TRAF2: variants seen among roughly 807,000 people sequenced by gnomAD.
TRAF2 encodes the protein TNF receptor associated factor 2, also known as TNF receptor-associated factor 2.
A neutral mutation model predicts 55.6 loss-of-function variants in TRAF2; 6 were observed. The ratio of observed to expected loss-of-function variants is 0.11; its 90% CI spans 0.06 to 0.21. The LOEUF is 0.21. TRAF2 is among the 10% of genes least tolerant of loss of function. The probability of loss-of-function intolerance (pLI) is 1.00; values close to 1 mark genes in which losing one functional copy is unlikely to be tolerated. For missense variants in TRAF2, 561 were observed against 684.5 expected (o/e 0.82, Z 2.01); for synonymous variants, 329 against 276.3 (o/e 1.19, Z -1.89).
At chr9:136,899,419 T>G (rs1344789504) in intron 2 of TRAF2, among the ~76,000 whole-genome samples, 175 bp from the exon 3 acceptor site, 1 of 152,248 alleles carries the variant, frequency 6.6e-6, no homozygotes, top group African/African-American at 2.4e-5. Context: ...AACAGTGTGC[T>G]GTGAATACTG....
chr9:136,886,910 C>G (rs1849465236), intron 1 of TRAF2: 1 of 152,390 alleles, frequency 6.6e-6, no homozygotes, highest in Non-Finnish European at 1.5e-5. Flanking sequence ...CTCCCCCGCA[C>G]CCTGTCGCCC....
chr9:136,909,274 G>A (rs1274988518), intron 5 of TRAF2, among the ~76,000 whole-genome samples: 2 of 152,352 alleles, frequency 1.3e-5, no homozygotes, highest in East Asian at 3.9e-4. Context: ...TGCTCACATG[G>A]CCTGCAGCCT....
At chr9:136,886,078 G>A (rs1849439367), upstream of TRAF2, 1 of 152,292 alleles carries the variant, frequency 6.6e-6, no homozygotes, top group Admixed American at 6.5e-5. Flanking sequence ...GGTGTCGCCC[G>A]GCTTGGGCTC....
At position 136,921,190 on chromosome 9, in the gene TRAF2, C is replaced by T. The variant is rs1398918805; in HGVS notation, c.1113C>T (p.Gly371=). The change falls in exon 9 of 11, where the codon GGC becomes GGT. Residue 371 remains glycine, a synonymous_variant. Transcript: ENST00000247668. ...GGAAGCGCCAGGAAGCTGTGGCTGG[C>T]CGCATACCCGCCATCTTCTCCCCAG... ...FARKRQEAVA[G]RIPAIFSPAF... The T allele has an allele frequency of 1.2e-6, 2 of 1,613,750 alleles. No individual in the cohort carries two copies. The highest frequency in any genetic ancestry group is 1.7e-6 in the Non-Finnish European group (2 of 1,180,018).
chr9:136,892,007 C>T (rs1004822946), intron 1 of TRAF2, among the ~76,000 whole-genome samples: 43 of 151,950 alleles, frequency 2.8e-4, no homozygotes, highest in Admixed American at 2.0e-3. Context: ...CATGAGCCAC[C>T]GTGCCCGGCC....
At chr9:136,897,001 G>A (rs1849694356) in intron 1 of TRAF2, among the ~76,000 whole-genome samples, 2 of 152,162 alleles carry the variant, frequency 1.3e-5, no homozygotes, top group South Asian at 4.1e-4. Flanking sequence ...AATGGGTCTA[G>A]GCATCCTCAT....
Position 136,886,554 on chromosome 9 carries a change from C to A in TRAF2, c.-29+13C>A, listed in dbSNP as rs1388056112. The stretch of plus-strand genomic sequence containing the variant: ...CTGCGACCGTTGGGTGAGGCGAGCG[C>A]GGGGTCGGGTGCGGGGTCGGGCGCG... On this transcript the variant is annotated intron_variant, in intron 1 of 10. Coordinates refer to ENST00000247668, the MANE Select transcript of TRAF2 (RefSeq NM_021138.4). 9 of 975,086 alleles carry A rather than the reference C, an allele frequency of 9.2e-6. No homozygotes were observed. The East Asian group carries it at 8.3e-4, about 90-fold the overall frequency. 60.4% of individuals were successfully genotyped at this position (975,086 alleles called of 1,614,324 possible).
At chr9:136,889,428 C>T (rs1246215341) in intron 1 of TRAF2, 3 of 151,838 alleles carry the variant, frequency 2.0e-5, no homozygotes, top group African/African-American at 7.3e-5. Context: ...GGATTACAGG[C>T]ACCCACCATA....
intron 4 of TRAF2, 140 bp downstream of exon 4, chr9:136,900,660 C>G (rs569552079): frequency 1.3e-6 from 1 of 742,752 alleles, no homozygotes; most frequent in Non-Finnish European, 2.4e-6. Context: ...GAGGAAGAGA[C>G]GGAGCTGCTC....
intron 7 of TRAF2, among the ~76,000 whole-genome samples, chr9:136,917,925 C>T (rs985934720): frequency 8.6e-5 from 13 of 152,032 alleles, no homozygotes; most frequent in Non-Finnish European, 1.8e-4. Context: ...GTTTCTGGGC[C>T]TCTTGGTGTT....
At position 136,926,271 on chromosome 9, in the gene TRAF2, C is replaced by T; in HGVS notation, c.*370C>T. On this transcript the variant is annotated 3_prime_UTR_variant, in exon 11 of 11. Coordinates refer to ENST00000247668, the MANE Select transcript of TRAF2 (RefSeq NM_021138.4). Reference sequence around the variant, plus strand: ...CCCAGCAGTGCCCATGTAGCAGGAGCACAGTGGATGGCCTTGTGTCCCTCG... The same window carrying T: ...CCCAGCAGTGCCCATGTAGCAGGAGTACAGTGGATGGCCTTGTGTCCCTCG... The T allele has an allele frequency of 2.6e-6, 1 of 386,660 alleles. No homozygotes were observed. Among genetic ancestry groups the T allele is most frequent in the South Asian group, 2.0e-5 (1 of 48,868 alleles). 24.0% of individuals were successfully genotyped at this position (386,660 alleles called of 1,614,324 possible). A position where few individuals can be genotyped will look rare whatever the true frequency, so the allele number is the denominator to read the frequency against.
intron 10 of TRAF2, among the ~76,000 whole-genome samples, chr9:136,925,355 G>A (rs908146773): frequency 1.9e-4 from 29 of 152,346 alleles, no homozygotes; most frequent in African/African-American, 6.7e-4. Flanking sequence ...TGCCAGATGT[G>A]TTATTTTTTG....
chr9:136,900,972 A>G (rs2131294711), intron 4 of TRAF2, among the ~76,000 whole-genome samples: 1 of 152,286 alleles, frequency 6.6e-6, no homozygotes, highest in Non-Finnish European at 1.5e-5. Context: ...TGTCTCTTGT[A>G]TCCACAAAGG....
chr9:136,884,440 G>A (rs1849410095), upstream of TRAF2, among the ~76,000 whole-genome samples: 1 of 152,008 alleles, frequency 6.6e-6, no homozygotes, highest in Non-Finnish European at 1.5e-5. Context: ...TGCGCCGGTA[G>A]TCCCAGCTAC....
chr9:136,898,432 G>A lies in TRAF2; in HGVS notation c.-28-281G>A, dbSNP rs547884123. On this transcript the variant is annotated intron_variant, in intron 1 of 10. Coordinates refer to ENST00000247668, the MANE Select transcript of TRAF2 (RefSeq NM_021138.4). ...GGGGGTTGTGCGTGGCAGGAAGCCCGTGCGTCTGTGTCTCTTTGGAGCTGT... is the reference window on the plus strand; with the variant it reads ...GGGGGTTGTGCGTGGCAGGAAGCCCATGCGTCTGTGTCTCTTTGGAGCTGT... 317 of 233,258 alleles carry A rather than the reference G, an allele frequency of 1.4e-3. 1 individual carries two copies. Among genetic ancestry groups the A allele is most frequent in the Non-Finnish European group, 1.6e-3 (226 of 142,198 alleles). The allele number at this position is 233,258 out of a possible 1,614,324, so 14.4% of individuals were successfully genotyped here.
At chr9:136,886,298 C>T (rs570856135), upstream of TRAF2, 70 of 722,468 alleles carry the variant, frequency 9.7e-5, no homozygotes, top group African/African-American at 9.9e-4. Flanking sequence ...GCCGTCTCAG[C>T]GCCGACCAAT....
intron 4 of TRAF2, among the ~76,000 whole-genome samples, chr9:136,902,838 C>T (rs553515421): frequency 6.6e-6 from 1 of 152,322 alleles, no homozygotes; most frequent in African/African-American, 2.4e-5. Context: ...ATTGTAAACA[C>T]AGTACGGAGG....
At chr9:136,886,205 C>G (rs1402309653), upstream of TRAF2, 2 of 167,448 alleles carry the variant, frequency 1.2e-5, no homozygotes, top group African/African-American at 4.8e-5. Flanking sequence ...GCGGACCCCA[C>G]AGCGCAGCAC....
At chr9:136,898,982 G>C (rs1472683522) in intron 2 of TRAF2, 54 bp downstream of exon 2, 1 of 1,526,162 alleles carries the variant, frequency 6.6e-7, no homozygotes, top group Non-Finnish European at 8.8e-7. Context: ...GCTGGTTTTA[G>C]AGCCACGCTG....
Sources: allele counts gnomAD v4.1 joint callset (sites outside exome capture counted in the v4.1 genomes callset), GRCh38; gene constraint gnomAD v4.1.1; transcripts MANE v1.5; gene names NCBI Gene and HGNC (gene_info 2026-07-23, HGNC 2026-07-21).